FER1L5: variants seen among roughly 807,000 people sequenced by gnomAD.
FER1L5 encodes the protein fer-1 like family member 5.
FER1L5 carries 187 observed loss-of-function variants against 279.9 expected under a neutral mutation model. The ratio of observed to expected loss-of-function variants is 0.67; its 90% CI spans 0.59 to 0.75. FER1L5 has a LOEUF of 0.75. FER1L5 is among the 30% of genes least tolerant of loss of function. The pLI is 0.00. For missense variants in FER1L5, 2,091 were observed against 2,594.4 expected, an observed-to-expected ratio of 0.81 and a Z score of 4.21; for synonymous variants, 921 against 989.7, an observed-to-expected ratio of 0.93 and a Z score of 1.30.
chr2:96,656,502 T>C lies in FER1L5; in HGVS notation c.747+2006T>C, dbSNP rs932865222. Among the ~76,000 whole-genome samples the C allele has an allele frequency of 3.9e-5, 6 of 152,230 alleles. 1 individual carries two copies. The highest frequency in any genetic ancestry group is 3.9e-4 in the Admixed American group (6 of 15,278). On this transcript the variant is annotated intron_variant, in intron 9 of 52. Coordinates refer to ENST00000624922, the MANE Select transcript of FER1L5 (RefSeq NM_001293083.2). Reference sequence around the variant, plus strand: ...GAAATTAGCTGGGTGTGGTGGCACATGCCTGTAATCCCAGCTACTCATGAG... The same window carrying C: ...GAAATTAGCTGGGTGTGGTGGCACACGCCTGTAATCCCAGCTACTCATGAG...
rs753191913 is a variant in FER1L5 at position 96,702,069 on chromosome 2, G to T, written c.5159+26G>T. The T allele has an allele frequency of 3.1e-5, 50 of 1,612,512 alleles. No homozygotes were observed. Among genetic ancestry groups the T allele is most frequent in the Non-Finnish European group, 4.0e-5 (47 of 1,178,800 alleles). On this transcript the variant is annotated intron_variant, in intron 46 of 52. Transcript: ENST00000624922. This position sits in a 1 kb window ranked among gnomAD's most constrained non-coding sequence, Gnocchi z 4.0. ...GTGAGTGACAGCCCACTTCCCAACT[G>T]CTGCATTTCACAGTTCAGAACTCCC...
intron 51 of FER1L5, among the ~76,000 whole-genome samples, chr2:96,704,004 C>A (rs1365836653): frequency 6.6e-6 from 1 of 151,836 alleles, no homozygotes; most frequent in Admixed American, 6.6e-5. Context: ...TTAGTAGAGA[C>A]GCGGTTTCAC....
chr2:96,672,239 C>T (rs936648674), intron 18 of FER1L5, among the ~76,000 whole-genome samples: 11 of 151,916 alleles, frequency 7.2e-5, no homozygotes, highest in Non-Finnish European at 4.4e-5. Flanking sequence ...CCACCACGCC[C>T]GGCTAATTTT....
intron 19 of FER1L5, among the ~76,000 whole-genome samples, chr2:96,674,828 A>G (rs2076453563): frequency 6.6e-6 from 1 of 152,088 alleles, no homozygotes; most frequent in African/African-American, 2.4e-5. Flanking sequence ...ACTAAAAAAA[A>G]ATAATAAAAT....
intron 21 of FER1L5, 144 bp downstream of exon 21, chr2:96,685,573 CAA>C: frequency 1.4e-6 from 1 of 734,946 alleles, no homozygotes; most frequent in Non-Finnish European, 2.1e-6. Context: ...CGGGAAACCC[CAA>C]GAGTCGCTTC....
chr2:96,703,154 G>A lies in FER1L5; in HGVS notation c.5499G>A (p.Gly1833=), dbSNP rs267599500. Residue 1833 remains glycine, a splice_region_variant and synonymous_variant, in exon 50 of 53, where the codon GGG becomes GGA. Transcript: ENST00000624922. The part of the protein sequence containing the change: ...NDIFSPDDFL[G]VLELDLSDMP... Reference sequence around the variant, plus strand: ...CTGATGTCATTTTTCTGGGCTCAGGGGTCCTGGAGCTGGATTTGTCTGACA... The same window carrying A: ...CTGATGTCATTTTTCTGGGCTCAGGAGTCCTGGAGCTGGATTTGTCTGACA... The A allele has an allele frequency of 6.2e-7, 1 of 1,612,820 alleles. No individual in the cohort carries two copies. Among genetic ancestry groups the A allele is most frequent in the Non-Finnish European group, 8.5e-7 (1 of 1,179,024 alleles).
chr2:96,674,295 T>C (rs762169720), intron 19 of FER1L5, among the ~76,000 whole-genome samples: 30 of 152,180 alleles, frequency 2.0e-4, no homozygotes, highest in Non-Finnish European at 3.8e-4. Context: ...CGATCTCGGC[T>C]CACTGCAACC....
chr2:96,651,339 CTTCT>C (rs780115764), intron 6 of FER1L5, among the ~76,000 whole-genome samples: 17 of 132,412 alleles, frequency 1.3e-4, no homozygotes, highest in South Asian at 2.4e-4. Flanking sequence ...TCTTTCTTTC[CTTCT>C]TTCTTTCTTT....
rs2077646766 is a variant in FER1L5 at position 96,702,969 on chromosome 2, T to C, written c.5398-9T>C. On this transcript the variant is annotated splice_polypyrimidine_tract_variant and intron_variant, in intron 48 of 52. Transcript: ENST00000624922. The surrounding 1 kb of genome is among the most constrained non-coding windows in gnomAD (Gnocchi z 4.0). The stretch of plus-strand genomic sequence containing the variant: ...AGGCCGGTAACACGCCCTTCCGCCA[T>C]TTCCCCAGGATTACATATGGAGCCT... The C allele has an allele frequency of 6.2e-7, 1 of 1,609,410 alleles. No individual in the cohort carries two copies. Among genetic ancestry groups the C allele is most frequent in the Non-Finnish European group, 8.5e-7 (1 of 1,177,928 alleles).
chr2:96,650,292 G>A lies in FER1L5; in HGVS notation c.504+3G>A. The A allele has an allele frequency of 6.4e-7, 1 of 1,551,044 alleles. No homozygotes were observed. The highest frequency in any genetic ancestry group is 2.4e-5 in the East Asian group (1 of 40,898). On this transcript the variant is annotated splice_donor_region_variant and intron_variant, in intron 6 of 52. Transcript: ENST00000624922. Reference sequence around the variant, plus strand: ...CCTCAAAGCCTCAGCACTTTCAGGTGAGGACCTTCCAGGTTGCAAGTTCAT... The same window carrying A: ...CCTCAAAGCCTCAGCACTTTCAGGTAAGGACCTTCCAGGTTGCAAGTTCAT...
At chr2:96,651,512 T>G (rs2075381383) in intron 6 of FER1L5, among the ~76,000 whole-genome samples, 1 of 141,850 alleles carries the variant, frequency 7.0e-6, no homozygotes, top group African/African-American at 2.5e-5. Context: ...GTCTTTCTTC[T>G]CTTTTTTGAG....
rs371078726 is a variant in FER1L5 at position 96,695,641 on chromosome 2, T to C, written c.3874T>C (p.Ser1292Pro). 1.8e-4 allele frequency: 282 copies of C among 1,605,802 alleles called. 5 individuals carry two copies. In the East Asian group the frequency reaches 4.2e-3, roughly 24 times the overall value. ...CAACCCCAACTTCCCCGAGTCTGAG[T>C]CTGTCCTAGTCCTCACAGTGGTAAG... The part of the protein sequence containing the change: ...QTNPNFPESE[S>P]VLVLTVLMPT... The change falls in exon 35 of 53, where the codon TCT (serine) becomes CCT (proline). Residue 1292 changes from serine to proline, a missense_variant. Physicochemically the swap from Ser to Pro is moderately conservative, Grantham distance 74. Coordinates refer to ENST00000624922, the MANE Select transcript of FER1L5 (RefSeq NM_001293083.2).
intron 6 of FER1L5, among the ~76,000 whole-genome samples, chr2:96,650,637 A>G (rs1028858380): frequency 1.3e-5 from 2 of 152,102 alleles, no homozygotes; most frequent in African/African-American, 2.4e-5. Flanking sequence ...AGTTAAATTA[A>G]CTGTACAGGA....
rs2106634917 is a variant in FER1L5 at position 96,689,827 on chromosome 2, T to C, written c.2640+69T>C. 2 of 1,342,620 alleles carry C rather than the reference T, an allele frequency of 1.5e-6. No homozygotes were observed. Among genetic ancestry groups the C allele is most frequent in the East Asian group, 2.5e-5 (1 of 39,906 alleles). 83.2% of individuals were successfully genotyped at this position (1,342,620 alleles called of 1,614,324 possible). A position where few individuals can be genotyped will look rare whatever the true frequency, so the allele number is the denominator to read the frequency against. ...CCACCAGGCGGGGCGCCTTGGAAGC[T>C]GGGGGTCCCAGTGGAAAGGGTCTGA... On this transcript the variant is annotated intron_variant, in intron 26 of 52. Coordinates refer to ENST00000624922, the MANE Select transcript of FER1L5 (RefSeq NM_001293083.2). This position sits in a 1 kb window ranked among gnomAD's most constrained non-coding sequence, Gnocchi z 4.6.
At chr2:96,678,794 T>C (rs1038441976) in intron 19 of FER1L5, among the ~76,000 whole-genome samples, 3 of 152,222 alleles carry the variant, frequency 2.0e-5, no homozygotes, top group African/African-American at 7.2e-5. Flanking sequence ...TCTATTCAAA[T>C]GTGTTGCCTG....
At chr2:96,669,615 C>T (rs998231011) in intron 17 of FER1L5, among the ~76,000 whole-genome samples, 1 of 152,172 alleles carries the variant, frequency 6.6e-6, no homozygotes, top group Non-Finnish European at 1.5e-5. Context: ...GAGGAAGAAC[C>T]ACAGGCATTG....
intron 9 of FER1L5, among the ~76,000 whole-genome samples, chr2:96,660,128 G>T (rs1211278437): frequency 6.6e-6 from 1 of 152,180 alleles, no homozygotes; most frequent in Non-Finnish European, 1.5e-5. Flanking sequence ...CTGACTGGTT[G>T]TAAGACTTTG....
intron 31 of FER1L5, among the ~76,000 whole-genome samples, chr2:96,693,057 T>C (rs1046768885): frequency 6.6e-6 from 1 of 151,838 alleles, no homozygotes; most frequent in Non-Finnish European, 1.5e-5. Context: ...GCGGCTGTAA[T>C]CCCAGCTATT....
intron 19 of FER1L5, among the ~76,000 whole-genome samples, chr2:96,679,198 A>C (rs1008710330): frequency 1.3e-5 from 2 of 150,996 alleles, no homozygotes; most frequent in African/African-American, 4.9e-5. Flanking sequence ...TTTTTAAAAA[A>C]TTAGCTGGGC....
Sources: gnomAD v4.1 joint callset for allele counts (sites outside exome capture counted in the v4.1 genomes callset) on GRCh38, gnomAD v4.1.1 for gene constraint, Gnocchi (gnomAD v3.1) non-coding constraint, MANE v1.5 for transcripts, NCBI Gene and HGNC (gene_info 2026-07-23, HGNC 2026-07-21) for gene names.